The following KHDRBS2 variants were observed in gnomAD, a reference collection of about 807,000 sequenced individuals.
KHDRBS2 encodes the protein KH RNA binding domain containing, signal transduction associated 2.
In KHDRBS2, 26 loss-of-function variants were observed where a neutral mutation model predicts 44.3. The observed-to-expected ratio is 0.59, with a 90% confidence interval of 0.43 to 0.81. The LOEUF (loss-of-function observed/expected upper bound fraction) is 0.81. KHDRBS2 is among the 40% of genes least tolerant of loss of function. The pLI, the probability that KHDRBS2 is intolerant of heterozygous loss-of-function variation, is 0.00. For synonymous variants in KHDRBS2, 194 were observed against 151.1 expected (o/e 1.28, Z -2.08); for missense variants, 476 against 433.1 (o/e 1.10, Z -0.88).
chr6:61,773,198 T>G (rs1781289981), intron 6 of KHDRBS2, among the ~76,000 whole-genome samples: 2 of 152,064 alleles, frequency 1.3e-5, no homozygotes, highest in African/African-American at 4.8e-5. Context: ...TAGTTCTAGA[T>G]CCCTGAGGAA....
intron 4 of KHDRBS2, among the ~76,000 whole-genome samples, chr6:61,968,121 ATTC>A (rs1770532854): frequency 6.6e-6 from 1 of 151,758 alleles, no homozygotes; most frequent in Admixed American, 6.6e-5. Flanking sequence ...ATTTTCTTTT[ATTC>A]CTGAGAATAA....
chr6:62,147,415 AG>A (rs1814184441), intron 2 of KHDRBS2, among the ~76,000 whole-genome samples: 1 of 151,978 alleles, frequency 6.6e-6, no homozygotes, highest in African/African-American at 2.4e-5. Context: ...AAAGAGACAG[AG>A]AAAGAGAAAA....
the KHDRBS2 span, among the ~76,000 whole-genome samples, chr6:61,646,358 C>T: frequency 1.3e-5 from 2 of 152,104 alleles, no homozygotes; most frequent in Admixed American, 1.3e-4. Context: ...CCCTTGGCTC[C>T]CAGATCCAGA....
At chr6:61,937,441 A>G (rs1811241153) in intron 4 of KHDRBS2, among the ~76,000 whole-genome samples, 7 of 152,054 alleles carry the variant, frequency 4.6e-5, no homozygotes. Context: ...ACACAACGTC[A>G]CTAGGCTTCC....
chr6:61,717,593 T>A (rs986494658), intron 7 of KHDRBS2, among the ~76,000 whole-genome samples: 19 of 152,098 alleles, frequency 1.2e-4, no homozygotes, highest in Non-Finnish European at 2.6e-4. Context: ...GGCGAGTGAC[T>A]TTATAGTGAA....
intron 6 of KHDRBS2, among the ~76,000 whole-genome samples, chr6:61,863,005 T>C (rs554991): frequency 0.23 from 34,654 of 152,070 alleles, 4,698 homozygotes; most frequent in South Asian, 0.31. Flanking sequence ...TTCTTCCTGA[T>C]TCAGTCTTGG....
intron 1 of KHDRBS2, among the ~76,000 whole-genome samples, chr6:62,282,277 C>T (rs904625439): frequency 1.3e-5 from 2 of 152,068 alleles, no homozygotes; most frequent in African/African-American, 4.8e-5. Flanking sequence ...GAAATAAAGG[C>T]CAAGTCTAGA....
chr6:61,559,402 A>T, the KHDRBS2 span, among the ~76,000 whole-genome samples: 1 of 151,394 alleles, frequency 6.6e-6, no homozygotes, highest in African/African-American at 2.4e-5. Flanking sequence ...TGGAGAGTTC[A>T]GTCTATTTAG....
Position 61,680,704 on chromosome 6 carries a change from A to G in KHDRBS2, c.*259T>C, listed in dbSNP as rs1766206113. 2 of 292,230 alleles carry G rather than the reference A, an allele frequency of 6.8e-6. No individual in the cohort carries two copies. The highest frequency in any genetic ancestry group is 1.3e-5 in the Non-Finnish European group (2 of 158,762). 18.1% of individuals were successfully genotyped at this position (292,230 alleles called of 1,614,324 possible). A position where few individuals can be genotyped will look rare whatever the true frequency, so the allele number is the denominator to read the frequency against. ...ACAACAATGAAAAACAACCAAGAGA[A>G]TATCATCCTACTGAAAGGTTTATAG... is the stretch of plus-strand genomic sequence containing the variant. On this transcript the variant is annotated 3_prime_UTR_variant, in exon 9 of 9. Transcript: ENST00000281156.
At position 62,247,543 on chromosome 6, in the gene KHDRBS2, A is replaced by ATACT. The variant is rs374392007; in HGVS notation, c.91+38314_91+38315insAGTA. Among the ~76,000 whole-genome samples, 380 of 152,160 alleles carry ATACT rather than the reference A, an allele frequency of 2.5e-3. 3 individuals are homozygous for ATACT. Among genetic ancestry groups the ATACT allele is most frequent in the African/African-American group, 8.4e-3 (348 of 41,562 alleles). ...ACACTAAATATTTCACAAATCTCTT[A>ATACT]TATCAAAGTTATTTAAAATGTAGGC... On this transcript the variant is annotated intron_variant, in intron 1 of 8. Coordinates refer to ENST00000281156, the MANE Select transcript of KHDRBS2 (RefSeq NM_152688.4).
intron 4 of KHDRBS2, among the ~76,000 whole-genome samples, chr6:61,932,126 T>C (rs1222625249): frequency 6.6e-6 from 1 of 152,132 alleles, no homozygotes; most frequent in Non-Finnish European, 1.5e-5. Flanking sequence ...TAGTTAAGTT[T>C]TTGGAGAGTC....
At chr6:61,776,519 A>C (rs556638703) in intron 6 of KHDRBS2, among the ~76,000 whole-genome samples, 212 of 152,310 alleles carry the variant, frequency 1.4e-3, no homozygotes, top group Non-Finnish European at 2.2e-3. Context: ...TTTATGCAGC[A>C]AAAGAACACA....
chr6:62,003,430 T>C (rs1778634595), intron 3 of KHDRBS2, among the ~76,000 whole-genome samples: 1 of 152,082 alleles, frequency 6.6e-6, no homozygotes, highest in Non-Finnish European at 1.5e-5. Flanking sequence ...GAGGAGAACA[T>C]CTTTCAACTT....
chr6:61,702,241 T>C (rs923741746), intron 7 of KHDRBS2, among the ~76,000 whole-genome samples: 5 of 151,910 alleles, frequency 3.3e-5, no homozygotes, highest in Non-Finnish European at 7.4e-5. Flanking sequence ...ATGTTACTAA[T>C]TTTTTACGAC....
intron 6 of KHDRBS2, among the ~76,000 whole-genome samples, chr6:61,770,179 C>T (rs565589533): frequency 1.3e-5 from 2 of 152,242 alleles, no homozygotes; most frequent in South Asian, 4.2e-4. Context: ...ACCCAAAACC[C>T]ATCTGTACGT....
chr6:62,135,826 T>C (rs535397392), intron 2 of KHDRBS2, among the ~76,000 whole-genome samples: 4 of 151,608 alleles, frequency 2.6e-5, no homozygotes, highest in East Asian at 3.9e-4. Context: ...CAAAGGAAAA[T>C]ACAGCATAGT....
At chr6:61,697,697 C>T (rs1768069859) in intron 7 of KHDRBS2, among the ~76,000 whole-genome samples, 1 of 152,084 alleles carries the variant, frequency 6.6e-6, no homozygotes, top group Non-Finnish European at 1.5e-5. Flanking sequence ...ATCCCTTTTA[C>T]ATCATGTCTG....
intron 6 of KHDRBS2, among the ~76,000 whole-genome samples, chr6:61,887,611 C>T: frequency 6.6e-6 from 1 of 152,138 alleles, no homozygotes; most frequent in East Asian, 1.9e-4. Context: ...TACTTAAATA[C>T]ATTCCATGTG....
chr6:61,891,695 C>A (rs1460712219), intron 6 of KHDRBS2, among the ~76,000 whole-genome samples: 1 of 152,282 alleles, frequency 6.6e-6, no homozygotes, highest in African/African-American at 2.4e-5. Flanking sequence ...TGACAAAATT[C>A]AACAACACTT....
Sources: allele counts gnomAD v4.1 joint callset (sites outside exome capture counted in the v4.1 genomes callset), GRCh38; gene constraint gnomAD v4.1.1; transcripts MANE v1.5; gene names NCBI Gene and HGNC (gene_info 2026-07-23, HGNC 2026-07-21).